The following FMO1 variants were observed in gnomAD, a reference collection of about 807,000 sequenced individuals.
FMO1 encodes flavin-containing monooxygenase 1.
Under a neutral mutation model 45.4 loss-of-function variants are expected in FMO1, and 36 were observed. That is an observed-to-expected ratio of 0.79 (90% CI 0.61 to 1.05). FMO1 has a LOEUF of 1.05. Ranked by LOEUF, FMO1 falls within the 50% of genes least tolerant of loss-of-function variation. FMO1 has a pLI of 0.00. For synonymous variants in FMO1, 228 were observed against 227.2 expected (o/e 1.00, Z -0.03); for missense variants, 615 against 640.3 (o/e 0.96, Z 0.43).
At chr1:171,272,303 G>T (rs1253186357) in intron 3 of FMO1, among the ~76,000 whole-genome samples, 1 of 152,262 alleles carries the variant, frequency 6.6e-6, no homozygotes, top group Non-Finnish European at 1.5e-5. Context: ...GCCTGGATGT[G>T]CAGGCAGAAG....
chr1:171,253,825 C>T (rs1044348788), intron 1 of FMO1: 2 of 152,152 alleles, frequency 1.3e-5, no homozygotes, highest in South Asian at 4.1e-4. Flanking sequence ...AGTCTGACTA[C>T]ATTGGTCCAG....
At chr1:171,258,325 T>G in intron 2 of FMO1, 106 bp downstream of exon 2, 1 of 1,347,012 alleles carries the variant, frequency 7.4e-7, no homozygotes, top group Non-Finnish European at 1.0e-6. Context: ...TGAGGAAGGT[T>G]AGAAATGTCT....
Position 171,275,545 on chromosome 1 carries a change from G to T in FMO1, c.484+37G>T, listed in dbSNP as rs367939290. On this transcript the variant is annotated intron_variant, in intron 4 of 8. Coordinates refer to ENST00000617670, the MANE Select transcript of FMO1 (RefSeq NM_001282693.2). Reference sequence around the variant, plus strand: ...TCTGTAACTAACTTTAAGTTTTCTCGTGGGAGCCATTCTGATGCTTGATTG... The same window carrying T: ...TCTGTAACTAACTTTAAGTTTTCTCTTGGGAGCCATTCTGATGCTTGATTG... 6 of 1,508,116 alleles carry T rather than the reference G, an allele frequency of 4.0e-6. No individual in the cohort carries two copies. The Middle Eastern group carries it at 8.6e-4, about 217-fold the overall frequency. The allele number at this position is 1,508,116 out of a possible 1,614,324, so 93.4% of individuals were successfully genotyped here.
intron 5 of FMO1, 65 bp from the exon 6 acceptor site, chr1:171,280,721 C>T (rs923172248): frequency 6.5e-6 from 9 of 1,389,552 alleles, no homozygotes; most frequent in Non-Finnish European, 9.2e-6. Flanking sequence ...CTTCTTGAAT[C>T]TCTGGCAGAA....
At chr1:171,254,046 G>A (rs1660032826) in intron 1 of FMO1, 1 of 152,074 alleles carries the variant, frequency 6.6e-6, no homozygotes, top group African/African-American at 2.4e-5. Context: ...TTTGAGGAAG[G>A]AATCTTTGAC....
At chr1:171,273,396 A>G (rs1025421480) in intron 3 of FMO1, among the ~76,000 whole-genome samples, 3 of 152,244 alleles carry the variant, frequency 2.0e-5, no homozygotes, top group Non-Finnish European at 4.4e-5. Context: ...GGACACAGTA[A>G]AAATAAAGCA....
In FMO1 at chr1:171,249,047, G is replaced by T. The variant is rs200000915; in HGVS notation, c.-7+424G>T. ...AGTTTTTGAAGGGTGACTACCAAAT[G>T]TTGGCATTTGGCACAAGTGGGAAGC... On this transcript the variant is annotated intron_variant, in intron 1 of 8. Transcript: ENST00000617670. 4.6e-5 allele frequency among the ~76,000 whole-genome samples: 7 copies of T among 151,676 alleles called. No individual in the cohort carries two copies. In the East Asian group the frequency reaches 9.8e-4, roughly 21 times the overall value.
intron 2 of FMO1, among the ~76,000 whole-genome samples, chr1:171,266,480 G>A (rs562956924): frequency 6.6e-6 from 1 of 152,256 alleles, no homozygotes; most frequent in Admixed American, 6.5e-5. Context: ...TGACAGGTGG[G>A]CCACAGACAA....
Position 171,282,057 on chromosome 1 carries a change from A to T in FMO1, c.907A>T (p.Ile303Leu). ...TGGGAAAGTGTTCATCAGGCCAAGC[A>T]TAAAAGAGGTAAAGGAAAACTCTGT... ...ITGKVFIRPSIKEVKENSVIF... is the reference protein window; with the variant it reads ...ITGKVFIRPSLKEVKENSVIF... Residue 303 changes from isoleucine to leucine, a missense_variant, in exon 7 of 9, where the codon ATA becomes TTA. Coordinates refer to ENST00000617670, the MANE Select transcript of FMO1 (RefSeq NM_001282693.2). The T allele has an allele frequency of 6.2e-7, 1 of 1,613,838 alleles. No individual in the cohort carries two copies. Among genetic ancestry groups the T allele is most frequent in the Non-Finnish European group, 8.5e-7 (1 of 1,179,880 alleles).
intron 3 of FMO1, among the ~76,000 whole-genome samples, chr1:171,270,159 C>T (rs1660788130): frequency 6.6e-6 from 1 of 152,160 alleles, no homozygotes; most frequent in Non-Finnish European, 1.5e-5. Flanking sequence ...TTACAACATA[C>T]TTTTCTATTA....
intron 3 of FMO1, chr1:171,271,029 C>A (rs1660838651): frequency 3.0e-6 from 3 of 997,114 alleles, no homozygotes; most frequent in Non-Finnish European, 4.6e-6. Context: ...CATCTTCCTC[C>A]TCTTCCTTCT....
Position 171,267,708 on chromosome 1 carries a change from C to T in FMO1, c.298C>T (p.Leu100Phe). The change falls in exon 3 of 9, where the codon CTT (leucine) becomes TTT (phenylalanine). Residue 100 changes from leucine (L) to phenylalanine (F), a missense_variant. Leu to Phe is a conservative substitution (Grantham distance 22). Transcript: ENST00000617670. ...YLKMYANHFD[L>F]LKHIQFKTKV... ...CAAAATGTATGCAAACCACTTTGAC[C>T]TTCTGAAACACATTCAATTCAAGGT... 2 of 1,610,840 alleles carry T rather than the reference C, an allele frequency of 1.2e-6. No individual in the cohort carries two copies. Among genetic ancestry groups the T allele is most frequent in the Non-Finnish European group, 1.7e-6 (2 of 1,178,606 alleles).
At chr1:171,272,594 C>A (rs1437092629) in intron 3 of FMO1, among the ~76,000 whole-genome samples, 1 of 152,230 alleles carries the variant, frequency 6.6e-6, no homozygotes, top group African/African-American at 2.4e-5. Flanking sequence ...ACCATGGGAA[C>A]CCACCTCTTG....
chr1:171,271,214 C>T (rs1322205469), intron 3 of FMO1: 6 of 900,852 alleles, frequency 6.7e-6, no homozygotes, highest in East Asian at 2.4e-5. Flanking sequence ...AGTTTCTTCA[C>T]GACATCACTA....
rs1661225378 is a variant in FMO1, at chr1:171,278,803, G to C, written c.559G>C (p.Val187Leu). Residue 187 changes from valine (V) to leucine (L), a missense_variant, in exon 5 of 9, where the codon GTC (valine) becomes CTC (leucine). Coordinates refer to ENST00000617670, the MANE Select transcript of FMO1 (RefSeq NM_001282693.2). Reference protein sequence around the residue: ...KHPDIFKDKRVLVIGMGNSGT... With the variant: ...KHPDIFKDKRLLVIGMGNSGT... ...TCCAGATATATTTAAGGACAAGAGA[G>C]TCCTTGTGATTGGAATGGGAAATTC... 3 of 1,612,894 alleles carry C rather than the reference G, an allele frequency of 1.9e-6. No individual in the cohort carries two copies. The highest frequency in any genetic ancestry group is 2.5e-6 in the Non-Finnish European group (3 of 1,179,114).
Position 171,280,913 on chromosome 1 carries a change from T to A in FMO1, c.755T>A (p.Val252Glu). The change falls in exon 6 of 9, where the codon GTG becomes GAG. Residue 252 changes from valine to glutamate, a missense_variant. By Grantham distance (121) the Val-to-Glu change is moderately radical (BLOSUM62 -2). Coordinates refer to ENST00000617670, the MANE Select transcript of FMO1 (RefSeq NM_001282693.2). Reference sequence around the variant, plus strand: ...AGAAATTCCCTCCCAACCCCAATTGTGACTTGGTTGATGGAGCGAAAGATA... The same window carrying A: ...AGAAATTCCCTCCCAACCCCAATTGAGACTTGGTTGATGGAGCGAAAGATA... ...MLRNSLPTPI[V>E]TWLMERKINN... 1.2e-6 allele frequency: 2 copies of A among 1,613,896 alleles called. No individual in the cohort carries two copies. Among genetic ancestry groups the A allele is most frequent in the Non-Finnish European group, 1.7e-6 (2 of 1,179,850 alleles).
At chr1:171,263,452 A>G (rs985024846) in intron 2 of FMO1, among the ~76,000 whole-genome samples, 4 of 152,146 alleles carry the variant, frequency 2.6e-5, no homozygotes, top group African/African-American at 4.8e-5. Flanking sequence ...GCATTTCTGG[A>G]GTCTGTTTCA....
intron 4 of FMO1, 126 bp from the exon 5 acceptor site, chr1:171,278,603 A>T: frequency 1.6e-6 from 1 of 637,754 alleles, no homozygotes; most frequent in Non-Finnish European, 2.7e-6. Context: ...ATTTTCTCAA[A>T]CTTGAGAATA....
At chr1:171,285,023 G>T (rs1374821555) in intron 8 of FMO1, among the ~76,000 whole-genome samples, 179 bp from the exon 9 acceptor site, 1 of 152,152 alleles carries the variant, frequency 6.6e-6, no homozygotes, top group Non-Finnish European at 1.5e-5. Flanking sequence ...CTTTTGAAGG[G>T]ACTCATCTTG....
Sources: allele counts gnomAD v4.1 joint callset (sites outside exome capture counted in the v4.1 genomes callset), GRCh38; gene constraint gnomAD v4.1.1; transcripts MANE v1.5; gene names NCBI Gene and HGNC (gene_info 2026-07-23, HGNC 2026-07-21).